BMAL2: variants seen among roughly 807,000 people sequenced by gnomAD.
BMAL2 encodes the protein basic helix-loop-helix ARNT-like protein 2.
At chr12:27,348,154 C>G in the BMAL2 span, among the ~76,000 whole-genome samples, 131 of 152,344 alleles carry the variant, frequency 8.6e-4, no homozygotes, top group Non-Finnish European at 1.5e-3. Context: ...CCATTCTAAC[C>G]ATTCATATCT....
At chr12:27,392,217 A>G in the BMAL2 span, among the ~76,000 whole-genome samples, 1 of 152,330 alleles carries the variant, frequency 6.6e-6, no homozygotes, top group East Asian at 1.9e-4. Context: ...TAAAATGGGA[A>G]TAATAGGACC....
the BMAL2 span, chr12:27,400,485 G>T: frequency 7.0e-7 from 1 of 1,425,994 alleles, no homozygotes; most frequent in Non-Finnish European, 9.4e-7. Context: ...GAAATTTAAT[G>T]ACTTATTTAT....
the BMAL2 span, among the ~76,000 whole-genome samples, chr12:27,410,753 ATAAT>A: frequency 7.0e-6 from 1 of 143,616 alleles, no homozygotes; most frequent in Non-Finnish European, 1.6e-5. Flanking sequence ...AATAAAAAAA[ATAAT>A]AATTTTTAAA....
the BMAL2 span, among the ~76,000 whole-genome samples, chr12:27,416,818 C>T: frequency 7.9e-5 from 12 of 152,082 alleles, no homozygotes; most frequent in Non-Finnish European, 1.8e-4. Flanking sequence ...AAATACTAGC[C>T]AGGCATGGTG....
the BMAL2 span, among the ~76,000 whole-genome samples, chr12:27,342,720 C>G: frequency 1.1e-4 from 17 of 152,310 alleles, no homozygotes; most frequent in African/African-American, 2.4e-4. Flanking sequence ...TGTGCTTACA[C>G]TACCATGGAA....
At chr12:27,339,873 A>G in the BMAL2 span, among the ~76,000 whole-genome samples, 9 of 152,034 alleles carry the variant, frequency 5.9e-5, no homozygotes, top group African/African-American at 2.2e-4. Flanking sequence ...TTTTTTTTTA[A>G]TATGCTTGTT....
the BMAL2 span, chr12:27,385,448 A>T: frequency 1.4e-6 from 2 of 1,461,760 alleles, no homozygotes; most frequent in Non-Finnish European, 1.9e-6. Flanking sequence ...TCTCTACTAT[A>T]TTTCCAATAA....
the BMAL2 span, among the ~76,000 whole-genome samples, chr12:27,336,824 G>A: frequency 2.6e-5 from 4 of 151,580 alleles, no homozygotes; most frequent in African/African-American, 4.8e-5. Flanking sequence ...TTGGTGGTGC[G>A]TGCCTGTAAT....
At chr12:27,390,306 T>C in the BMAL2 span, 2 of 1,504,042 alleles carry the variant, frequency 1.3e-6, no homozygotes, top group Non-Finnish European at 1.8e-6. Context: ...ATATTTTCTG[T>C]ACAGAAAAAA....
chr12:27,341,894 G>A, the BMAL2 span, among the ~76,000 whole-genome samples: 1 of 152,138 alleles, frequency 6.6e-6, no homozygotes, highest in Admixed American at 6.6e-5. Flanking sequence ...ACAGCTAAGT[G>A]TGGTGACATC....
At chr12:27,404,637 G>T in the BMAL2 span, among the ~76,000 whole-genome samples, 1 of 152,156 alleles carries the variant, frequency 6.6e-6, no homozygotes, top group Admixed American at 6.5e-5. Flanking sequence ...CAAGATGGCC[G>T]AATAGGAACA....
the BMAL2 span, among the ~76,000 whole-genome samples, chr12:27,377,905 G>A: frequency 3.9e-5 from 6 of 152,078 alleles, no homozygotes; most frequent in African/African-American, 7.2e-5. Context: ...GTTGGGGCAG[G>A]GGGTGTGGTA....
At chr12:27,348,149 C>A in the BMAL2 span, among the ~76,000 whole-genome samples, 18 of 152,230 alleles carry the variant, frequency 1.2e-4, no homozygotes, top group Non-Finnish European at 2.1e-4. Flanking sequence ...TGAGTCCATT[C>A]TAACCATTCA....
the BMAL2 span, among the ~76,000 whole-genome samples, chr12:27,393,634 T>G: frequency 6.6e-6 from 1 of 152,218 alleles, no homozygotes; most frequent in Non-Finnish European, 1.5e-5. Context: ...TCCCTGCACA[T>G]TGGCTGTGCT....
At chr12:27,346,449 G>C in the BMAL2 span, among the ~76,000 whole-genome samples, 1 of 152,130 alleles carries the variant, frequency 6.6e-6, no homozygotes, top group African/African-American at 2.4e-5. Flanking sequence ...TTTTAGTAGA[G>C]ATGGGGTTTC....
At chr12:27,333,732 T>A in the BMAL2 span, among the ~76,000 whole-genome samples, 1 of 152,262 alleles carries the variant, frequency 6.6e-6, no homozygotes, top group Non-Finnish European at 1.5e-5. Flanking sequence ...AGGCGGCTCG[T>A]GTCTTTCACC....
At chr12:27,359,442 A>T in the BMAL2 span, among the ~76,000 whole-genome samples, 3 of 152,302 alleles carry the variant, frequency 2.0e-5, no homozygotes, top group African/African-American at 7.2e-5. Context: ...TATTCCCAGC[A>T]CTTTGGGAGG....
chr12:27,355,329 C>A, the BMAL2 span, among the ~76,000 whole-genome samples: 1 of 152,160 alleles, frequency 6.6e-6, no homozygotes, highest in African/African-American at 2.4e-5. Context: ...GCTCCATAGA[C>A]CCCTTAATCA....
the BMAL2 span, among the ~76,000 whole-genome samples, chr12:27,374,806 A>C: frequency 6.6e-6 from 1 of 152,216 alleles, no homozygotes; most frequent in East Asian, 1.9e-4. Flanking sequence ...ACAGTCATTA[A>C]CTTTACTCAA....
Sources: gnomAD v4.1 joint callset for allele counts (sites outside exome capture counted in the v4.1 genomes callset) on GRCh38, gnomAD v4.1.1 for gene constraint, MANE v1.5 for transcripts, NCBI Gene and HGNC (gene_info 2026-07-23, HGNC 2026-07-21) for gene names.